Variants in RALGAPB observed in about 807,000 individuals in gnomAD.
RALGAPB encodes the protein ral GTPase-activating protein subunit beta.
In RALGAPB, 25 loss-of-function variants were observed where a neutral mutation model predicts 161.1. The observed-to-expected ratio is 0.16, with a 90% CI of 0.11 to 0.22. The LOEUF (loss-of-function observed/expected upper bound fraction) is 0.22. RALGAPB is among the 10% of genes least tolerant of loss of function. The pLI, the probability that RALGAPB is intolerant of heterozygous loss-of-function variation, is 1.00. For synonymous variants in RALGAPB, 629 were observed against 626.1 expected (o/e 1.00, Z -0.07); for missense variants, 1,391 against 1,815.2 (o/e 0.77, Z 4.25).
At chr20:38,491,040 ATCTCT>A (rs1285392269) in intron 2 of RALGAPB, among the ~76,000 whole-genome samples, 1 of 152,146 alleles carries the variant, frequency 6.6e-6, no homozygotes, top group Non-Finnish European at 1.5e-5. Flanking sequence ...GTCTTTTAGA[ATCTCT>A]TCTCTTATGT....
At chr20:38,546,460 A>C (rs368014449) in intron 19 of RALGAPB, 30 bp downstream of exon 19, 20 of 1,613,164 alleles carry the variant, frequency 1.2e-5, no homozygotes, top group Admixed American at 3.3e-5. Flanking sequence ...AGCCTTCTCT[A>C]CTGCTTAATC....
intron 22 of RALGAPB, among the ~76,000 whole-genome samples, chr20:38,554,970 G>A (rs1274803040): frequency 6.6e-6 from 1 of 152,120 alleles, no homozygotes; most frequent in East Asian, 1.9e-4. Context: ...TATAATACTA[G>A]CTTCTCAGGA....
intron 3 of RALGAPB, 73 bp from the exon 4 acceptor site, chr20:38,497,280 A>G (rs1384501105): frequency 3.5e-6 from 5 of 1,425,462 alleles, no homozygotes; most frequent in African/African-American, 1.4e-5. Context: ...TGCTACATCC[A>G]TAAGTCACCT....
chr20:38,536,843 G>A (rs973042622), intron 16 of RALGAPB, among the ~76,000 whole-genome samples: 4 of 152,150 alleles, frequency 2.6e-5, no homozygotes, highest in South Asian at 2.1e-4. Context: ...AAAACCTAAG[G>A]TGTTCTTACC....
At chr20:38,484,207 C>T (rs2085055087) in intron 1 of RALGAPB, among the ~76,000 whole-genome samples, 1 of 152,014 alleles carries the variant, frequency 6.6e-6, no homozygotes, top group African/African-American at 2.4e-5. Flanking sequence ...AGTAGACTGG[C>T]CACTGACAAT....
chr20:38,495,565 G>A (rs1271921480), intron 3 of RALGAPB, among the ~76,000 whole-genome samples: 1 of 152,176 alleles, frequency 6.6e-6, no homozygotes, highest in East Asian at 1.9e-4. Flanking sequence ...TTACAATATA[G>A]ATAGTAGGCC....
At position 38,567,770 on chromosome 20, in the gene RALGAPB, G is replaced by T. The variant is rs1443312756; in HGVS notation, c.3954+538G>T. On this transcript the variant is annotated intron_variant, in intron 26 of 29. Coordinates refer to ENST00000262879, the MANE Select transcript of RALGAPB (RefSeq NM_020336.4). ...TCAGAAGTGTAGGAAGATTGACTTA[G>T]AACAAAACATAACAAAGACAGAAGT... Among the ~76,000 whole-genome samples, 3 of 152,154 alleles carry T rather than the reference G, an allele frequency of 2.0e-5. No individual in the cohort carries two copies. The East Asian group carries it at 5.8e-4, about 29-fold the overall frequency.
intron 13 of RALGAPB, 126 bp downstream of exon 13, chr20:38,526,168 C>A: frequency 9.1e-7 from 1 of 1,098,844 alleles, no homozygotes; most frequent in Non-Finnish European, 1.3e-6. Flanking sequence ...GAATCAGAGG[C>A]ACAAGTTAGT....
rs546822362 is a variant in RALGAPB, at chr20:38,551,845, T to C, written c.3162+622T>C. ...TTTTAAGAAGTCGGGGACAGAAGTATGTCAGGACATGAGAGAACAGAAGAG... is the reference window on the plus strand; with the variant it reads ...TTTTAAGAAGTCGGGGACAGAAGTACGTCAGGACATGAGAGAACAGAAGAG... On this transcript the variant is annotated intron_variant, in intron 21 of 29. Coordinates refer to ENST00000262879, the MANE Select transcript of RALGAPB (RefSeq NM_020336.4). 1.1e-4 allele frequency among the ~76,000 whole-genome samples: 17 copies of C among 152,238 alleles called. No individual in the cohort carries two copies. In the East Asian group the frequency reaches 2.5e-3, roughly 23 times the overall value.
intron 1 of RALGAPB, among the ~76,000 whole-genome samples, chr20:38,478,648 CT>C (rs1181885583): frequency 6.6e-6 from 1 of 151,618 alleles, no homozygotes; most frequent in Non-Finnish European, 1.5e-5. Flanking sequence ...CAGAGTTTCG[CT>C]CTTGTTGTTC....
At chr20:38,483,276 A>G (rs1156384980) in intron 1 of RALGAPB, among the ~76,000 whole-genome samples, 1 of 152,256 alleles carries the variant, frequency 6.6e-6, no homozygotes, top group Admixed American at 6.5e-5. Flanking sequence ...GCTTGCAGGT[A>G]GAGCTGGGAT....
intron 17 of RALGAPB, 75 bp from the exon 18 acceptor site, chr20:38,540,966 G>A (rs2086946281): frequency 2.0e-6 from 3 of 1,519,334 alleles, no homozygotes; most frequent in Non-Finnish European, 2.7e-6. Flanking sequence ...ACCACTGTTA[G>A]CATTTGGATG....
intron 12 of RALGAPB, 80 bp from the exon 13 acceptor site, chr20:38,525,815 C>T (rs530890269): frequency 1.1e-5 from 15 of 1,409,338 alleles, no homozygotes; most frequent in African/African-American, 2.9e-5. Flanking sequence ...TATACTGATC[C>T]GTTCCTCCAT....
chr20:38,497,342 G>A lies in RALGAPB; in HGVS notation c.390-11G>A, dbSNP rs776637286. Reference sequence around the variant, plus strand: ...CCAGGCTTGTCAGTGATATCTGTCTGTCTTCTTCAGACAGGAACAGGGTTC... The same window carrying A: ...CCAGGCTTGTCAGTGATATCTGTCTATCTTCTTCAGACAGGAACAGGGTTC... On this transcript the variant is annotated splice_polypyrimidine_tract_variant and intron_variant, in intron 3 of 29. Transcript: ENST00000262879. The A allele has an allele frequency of 8.1e-6, 13 of 1,612,344 alleles. No homozygotes were observed. In the Admixed American group the frequency reaches 1.8e-4, roughly 23 times the overall value.
At chr20:38,492,809 C>T (rs1279969190) in intron 2 of RALGAPB, 121 bp from the exon 3 acceptor site, 30 of 725,876 alleles carry the variant, frequency 4.1e-5, no homozygotes, top group Non-Finnish European at 5.5e-5. Flanking sequence ...CTGATATTTA[C>T]GTTGAGACGA....
chr20:38,570,877 C>A, intron 28 of RALGAPB, 30 bp downstream of exon 28: 4 of 1,449,628 alleles, frequency 2.8e-6, no homozygotes, highest in Non-Finnish European at 3.8e-6. Flanking sequence ...AGTTCATCAG[C>A]GTGTCTTTTT....
intron 19 of RALGAPB, chr20:38,546,698 GTTTATC>G (rs2087176405): frequency 2.5e-6 from 1 of 395,780 alleles, no homozygotes. Context: ...CCATTGTGTT[GTTTATC>G]TTTGTCACTT....
intron 2 of RALGAPB, among the ~76,000 whole-genome samples, chr20:38,489,189 CT>C (rs934227899): frequency 5.3e-5 from 8 of 151,442 alleles, no homozygotes; most frequent in Admixed American, 6.6e-5. Flanking sequence ...TTTGCTGTTT[CT>C]TTTTTTTTGA....
intron 3 of RALGAPB, among the ~76,000 whole-genome samples, chr20:38,495,190 A>G (rs2085389703): frequency 6.6e-6 from 1 of 152,220 alleles, no homozygotes; most frequent in African/African-American, 2.4e-5. Context: ...TTACTTAATT[A>G]GTTGTTTTTA....
Sources: gnomAD v4.1 joint callset for allele counts (sites outside exome capture counted in the v4.1 genomes callset) on GRCh38, gnomAD v4.1.1 for gene constraint, MANE v1.5 for transcripts, NCBI Gene and HGNC (gene_info 2026-07-23, HGNC 2026-07-21) for gene names.